Variants in ZNF274 observed in about 807,000 individuals in gnomAD.
The protein encoded by ZNF274 is neurotrophin receptor-interacting factor homolog.
Under a neutral mutation model 42.5 loss-of-function variants are expected in ZNF274, and 23 were observed. The ratio of observed to expected loss-of-function variants is 0.54; its 90% CI spans 0.39 to 0.77. The LOEUF is 0.77. Ranked by LOEUF, ZNF274 falls within the 30% of genes least tolerant of loss-of-function variation. ZNF274 has a pLI of 0.00. For synonymous variants in ZNF274, 292 were observed against 305.4 expected (o/e 0.96, Z 0.46); for missense variants, 679 against 806.5 (o/e 0.84, Z 1.91).
chr19:58,188,617 AAAAATATATAT>A (rs1479642254), intron 4 of ZNF274, among the ~76,000 whole-genome samples: 4,551 of 58,154 alleles, frequency 0.078, 378 homozygotes, highest in African/African-American at 0.26. Flanking sequence ...AAAAAAAAAA[AAAAATATATAT>A]ATATATATAT....
intron 1 of ZNF274, 158 bp from the exon 2 acceptor site, chr19:58,183,763 C>G: frequency 3.5e-6 from 2 of 571,252 alleles, no homozygotes; most frequent in East Asian, 3.0e-5. Flanking sequence ...CTGGTCCTAT[C>G]CAGTCCTGTG....
chr19:58,189,460 G>A (rs995424730), intron 4 of ZNF274, among the ~76,000 whole-genome samples: 2 of 152,048 alleles, frequency 1.3e-5, no homozygotes, highest in South Asian at 2.1e-4. Flanking sequence ...ATATATGGGT[G>A]GGGTTCATCC....
intron 4 of ZNF274, among the ~76,000 whole-genome samples, chr19:58,197,286 T>C (rs150683039): frequency 1.5e-3 from 230 of 152,288 alleles, no homozygotes; most frequent in Non-Finnish European, 2.4e-3. Flanking sequence ...GTGAATGAAA[T>C]CTGTGCAGAC....
At chr19:58,198,316 T>A (rs1347407365) in intron 4 of ZNF274, among the ~76,000 whole-genome samples, 1 of 152,220 alleles carries the variant, frequency 6.6e-6, no homozygotes, top group Non-Finnish European at 1.5e-5. Context: ...GCACAGCTGT[T>A]ACAAAGAATG....
In ZNF274 at chr19:58,212,331, A is replaced by T; in HGVS notation, c.1150A>T (p.Lys384Ter). The T allele has an allele frequency of 6.2e-7, 1 of 1,614,026 alleles. No homozygotes were observed. The highest frequency in any genetic ancestry group is 8.5e-7 in the Non-Finnish European group (1 of 1,179,892). Residue 384 changes from lysine to a stop codon, truncating the protein, a stop_gained, in exon 8 of 8, where the codon AAG becomes TAG. Coordinates refer to ENST00000617501, the MANE Select transcript of ZNF274 (RefSeq NM_133502.3). LOFTEE classifies it low-confidence loss of function (END_TRUNC). This position sits in a 1 kb window ranked among gnomAD's most constrained non-coding sequence, Gnocchi z 4.6. ...CCAGGAAGTCCAAGACACAGTGTTG[A>T]AGCAGATGGAGTCTGCTCAGGAAAA... The part of the protein sequence containing the change: ...GVQEVQDTVL[K>*]QMESAQEKDL...
chr19:58,212,343 T>G lies in ZNF274; in HGVS notation c.1162T>G (p.Ser388Ala), dbSNP rs1452173069. ...AGACACAGTGTTGAAGCAGATGGAG[T>G]CTGCTCAGGAAAAAGACCTTCCTCA... ...VQDTVLKQME[S>A]AQEKDLPQKK... Residue 388 changes from serine (S) to alanine (A), a missense_variant, in exon 8 of 8, where the codon TCT becomes GCT. Ser to Ala is a moderately conservative substitution (Grantham distance 99). This residue lies in a region of ZNF274 where 456 missense variants were observed against 590.1 expected (regional missense o/e 0.77). Coordinates refer to ENST00000617501, the MANE Select transcript of ZNF274 (RefSeq NM_133502.3). The surrounding 1 kb of genome is among the most constrained non-coding windows in gnomAD (Gnocchi z 4.6). The G allele has an allele frequency of 4.3e-6, 7 of 1,613,504 alleles. No homozygotes were observed. Among genetic ancestry groups the G allele is most frequent in the African/African-American group, 1.3e-5 (1 of 74,736 alleles).
At chr19:58,186,052 C>G (rs1382207793) in intron 3 of ZNF274, 1 of 314,676 alleles carries the variant, frequency 3.2e-6, no homozygotes, top group Admixed American at 5.1e-5. Flanking sequence ...GTAGTGGATG[C>G]TTATTGTTCT....
At chr19:58,204,506 G>A (rs984978536) in intron 4 of ZNF274, among the ~76,000 whole-genome samples, 9 of 152,086 alleles carry the variant, frequency 5.9e-5, no homozygotes, top group African/African-American at 2.2e-4. Flanking sequence ...CGGACTCGGC[G>A]GGTGCGTGAG....
intron 4 of ZNF274, among the ~76,000 whole-genome samples, chr19:58,198,697 A>G (rs897228944): frequency 2.0e-5 from 3 of 152,194 alleles, no homozygotes; most frequent in East Asian, 1.9e-4. Context: ...ATAGGTGCTC[A>G]GTAATTATTT....
chr19:58,192,113 T>A (rs2083896510), intron 4 of ZNF274, among the ~76,000 whole-genome samples: 1 of 152,012 alleles, frequency 6.6e-6, no homozygotes, highest in African/African-American at 2.4e-5. Context: ...ACATATAGGA[T>A]TGGTGGTGAA....
At chr19:58,185,864 G>C in intron 3 of ZNF274, 26 bp downstream of exon 3, 1 of 1,349,040 alleles carries the variant, frequency 7.4e-7, no homozygotes, top group Non-Finnish European at 9.6e-7. Flanking sequence ...AGGTCAAGAA[G>C]GATCTGTGCT....
chr19:58,205,407 C>T (rs2075969324), intron 4 of ZNF274, among the ~76,000 whole-genome samples: 1 of 152,162 alleles, frequency 6.6e-6, no homozygotes, highest in South Asian at 2.1e-4. Flanking sequence ...TGCAGTGGTG[C>T]AATCATAGAT....
intron 4 of ZNF274, among the ~76,000 whole-genome samples, chr19:58,189,398 A>G (rs2075751810): frequency 6.6e-6 from 1 of 152,186 alleles, no homozygotes; most frequent in Admixed American, 6.6e-5. Flanking sequence ...TGCTGGGATC[A>G]CAGCACTTAA....
rs764561877 is a variant in ZNF274 at position 58,211,599 on chromosome 19, C to T, written c.892C>T (p.Arg298Trp). The part of the protein sequence containing the change: ...TFQDVAVDFS[R>W]EEWGLLGPTQ... ...CCAGGATGTGGCTGTGGACTTCAGC[C>T]GGGAGGAGTGGGGGCTGCTGGGCCC... The change falls in exon 7 of 8, where the codon CGG (arginine) becomes TGG (tryptophan). Residue 298 changes from arginine (R) to tryptophan (W), a missense_variant. By Grantham distance (101) the Arg-to-Trp change is moderately radical (BLOSUM62 -3). Around this residue, in one of 2 missense-constraint regions of ZNF274, gnomAD observed 456 missense variants for 590.1 expected, o/e 0.77. Coordinates refer to ENST00000617501, the MANE Select transcript of ZNF274 (RefSeq NM_133502.3). This position sits in a 1 kb window ranked among gnomAD's most constrained non-coding sequence, Gnocchi z 4.8. 7.4e-6 allele frequency: 12 copies of T among 1,613,424 alleles called. No individual in the cohort carries two copies. The highest frequency in any genetic ancestry group is 3.3e-5 in the Admixed American group (2 of 59,962).
chr19:58,200,579 TGAAGATGTTGGGGAAGGTGAACCAGGC>T (rs376638527), intron 4 of ZNF274, among the ~76,000 whole-genome samples: 1,863 of 151,874 alleles, frequency 0.012, 44 homozygotes, highest in African/African-American at 0.043. Context: ...GCGAACCAGG[TGAAGATGTTGGGGAAGGTGAACCAGGC>T]GAAGATGTTG....
intron 2 of ZNF274, chr19:58,184,388 C>T (rs1017321620): frequency 6.0e-6 from 1 of 167,940 alleles, no homozygotes; most frequent in Non-Finnish European, 1.3e-5. Context: ...CTCCTGGGTT[C>T]AAGTGATTCT....
intron 4 of ZNF274, among the ~76,000 whole-genome samples, chr19:58,197,568 C>G (rs1427381293): frequency 6.6e-6 from 1 of 152,192 alleles, no homozygotes; most frequent in African/African-American, 2.4e-5. Flanking sequence ...CATTTGCTAA[C>G]ACAATGACTG....
At chr19:58,188,700 A>ATATG (rs1568697828) in intron 4 of ZNF274, among the ~76,000 whole-genome samples, 2,579 of 85,502 alleles carry the variant, frequency 0.03, 56 homozygotes, top group Non-Finnish European at 0.041. Flanking sequence ...ATATGTATAT[A>ATATG]TATATATATA....
intron 2 of ZNF274, 47 bp downstream of exon 2, chr19:58,184,045 G>A: frequency 6.4e-7 from 1 of 1,566,630 alleles, no homozygotes; most frequent in Non-Finnish European, 8.7e-7. Context: ...CTGCACCTGG[G>A]AGGATGCGGA....
Sources: gnomAD v4.1 joint callset for allele counts (sites outside exome capture counted in the v4.1 genomes callset) on GRCh38, gnomAD v4.1.1 for gene constraint, gnomAD v4.1.1 regional missense constraint, Gnocchi (gnomAD v3.1) non-coding constraint, MANE v1.5 for transcripts, NCBI Gene and HGNC (gene_info 2026-07-23, HGNC 2026-07-21) for gene names.